The following CMYA5 variants were observed in gnomAD, a reference collection of about 807,000 sequenced individuals.
The protein encoded by CMYA5 is cardiomyopathy associated 5, also known as cardiomyopathy-associated protein 5.
In CMYA5, 246 loss-of-function variants were observed where a neutral mutation model predicts 318.9. That is an observed-to-expected ratio of 0.77 (90% CI 0.70 to 0.86). The LOEUF (loss-of-function observed/expected upper bound fraction) is 0.86, where lower values mean the gene tolerates loss of function less well. Ranked by LOEUF, CMYA5 falls within the 40% of genes least tolerant of loss-of-function variation. The probability of loss-of-function intolerance (pLI) is 0.00; values close to 1 mark genes in which losing one functional copy is unlikely to be tolerated. For synonymous variants in CMYA5, 1,641 were observed against 1,729.5 expected, an observed-to-expected ratio of 0.95 and a Z score of 1.27; for missense variants, 4,589 against 4,678.2, an observed-to-expected ratio of 0.98 and a Z score of 0.56.
chr5:79,758,987 C>A, intron 7 of CMYA5, 85 bp downstream of exon 7: 2 of 1,104,154 alleles, frequency 1.8e-6, no homozygotes, highest in Non-Finnish European at 2.4e-6. Flanking sequence ...TGTATTATGA[C>A]TCTTCCCACA....
intron 12 of CMYA5, among the ~76,000 whole-genome samples, chr5:79,794,677 C>A (rs1468078069): frequency 6.6e-6 from 1 of 152,262 alleles, no homozygotes; most frequent in Non-Finnish European, 1.5e-5. Flanking sequence ...AAGTATCATA[C>A]AAATGTGAGG....
In CMYA5 at chr5:79,733,494, G is replaced by A; in HGVS notation, c.4729G>A (p.Ala1577Thr). The A allele has an allele frequency of 2.5e-6, 4 of 1,613,942 alleles. No homozygotes were observed. Among genetic ancestry groups the A allele is most frequent in the Non-Finnish European group, 3.4e-6 (4 of 1,179,846 alleles). The change falls in exon 2 of 13, where the codon GCA becomes ACA. Residue 1577 changes from alanine (A) to threonine (T), a missense_variant. Ala to Thr is a moderately conservative substitution (Grantham distance 58). Around this residue, in one of 3 missense-constraint regions of CMYA5, gnomAD observed 2,132 missense variants for 2,131.3 expected, o/e 1.00. Coordinates refer to ENST00000446378, the MANE Select transcript of CMYA5 (RefSeq NM_153610.5). ...ASSSPELENL[A>T]SGLAPTLLLL... is the part of the protein sequence containing the mutation. The stretch of plus-strand genomic sequence containing the variant: ...TTCATCTCCTGAGTTGGAAAATTTA[G>A]CATCAGGTTTAGCCCCAACATTACT...
In CMYA5 at chr5:79,789,064, G is replaced by C; in HGVS notation, c.11649G>C (p.Gly3883=). ...FFYVRAINAF[G]TSEQSEAALI... ...ATGTGAGGGCCATCAATGCATTTGG[G>C]ACAAGTGAACAGAGTGAAGCTGCTC... Residue 3883 remains glycine (G), a synonymous_variant, in exon 10 of 13, where the codon GGG becomes GGC. Transcript: ENST00000446378. 6.2e-7 allele frequency: 1 copy of C among 1,613,924 alleles called. No individual in the cohort carries two copies. The highest frequency in any genetic ancestry group is 2.2e-5 in the East Asian group (1 of 44,866).
Position 79,799,657 on chromosome 5 carries a change from T to C in CMYA5, c.*41T>C. On this transcript the variant is annotated 3_prime_UTR_variant, in exon 13 of 13. Coordinates refer to ENST00000446378, the MANE Select transcript of CMYA5 (RefSeq NM_153610.5). ...ATTTGCAAGAACAGCGATTTGAATT[T>C]TGGGGGGGTCTGCTGTTCATTCCTT... is the stretch of plus-strand genomic sequence containing the variant. The C allele has an allele frequency of 1.3e-6, 2 of 1,578,008 alleles. No individual in the cohort carries two copies. Among genetic ancestry groups the C allele is most frequent in the Non-Finnish European group, 1.7e-6 (2 of 1,158,080 alleles).
rs1013086471 is a variant in CMYA5, at chr5:79,762,053, G to A, written c.11407+96G>A. The A allele has an allele frequency of 9.0e-6, 12 of 1,335,466 alleles. No individual in the cohort carries two copies. In the East Asian group the frequency reaches 2.4e-4, roughly 27 times the overall value. The allele number at this position is 1,335,466 out of a possible 1,614,324, so 82.7% of individuals were successfully genotyped here. ...AGTAAGTGTTTATTAAGCACCTATT[G>A]TGTGTTGAGTGTTGTGCAAAGTGCT... On this transcript the variant is annotated intron_variant, in intron 8 of 12. Transcript: ENST00000446378.
Position 79,737,155 on chromosome 5 carries a change from G to C in CMYA5, c.8390G>C (p.Arg2797Pro), listed in dbSNP as rs59212409. 6.2e-7 allele frequency: 1 copy of C among 1,612,800 alleles called. No individual in the cohort carries two copies. The highest frequency in any genetic ancestry group is 8.5e-7 in the Non-Finnish European group (1 of 1,179,584). ...PSKESERTLA[R>P]PFDETKSSET... ...AAAGAATCCGAAAGGACTTTAGCTCGTCCTTTTGATGAAACTAAGAGCTCA... is the reference window on the plus strand; with the variant it reads ...AAAGAATCCGAAAGGACTTTAGCTCCTCCTTTTGATGAAACTAAGAGCTCA... The change falls in exon 2 of 13, where the codon CGT becomes CCT. Residue 2797 changes from arginine (R) to proline (P), a missense_variant. By Grantham distance (103) the Arg-to-Pro change is moderately radical. This residue lies in a region of CMYA5 where 2,431 missense variants were observed against 2,495.1 expected (regional missense o/e 0.97). Coordinates refer to ENST00000446378, the MANE Select transcript of CMYA5 (RefSeq NM_153610.5).
At chr5:79,786,467 C>G (rs892260823) in intron 9 of CMYA5, among the ~76,000 whole-genome samples, 1 of 152,194 alleles carries the variant, frequency 6.6e-6, no homozygotes, top group Non-Finnish European at 1.5e-5. Flanking sequence ...CCCTAAGCAC[C>G]AACTAAGTAC....
intron 9 of CMYA5, among the ~76,000 whole-genome samples, chr5:79,769,107 G>A (rs576229948): frequency 6.6e-6 from 1 of 151,946 alleles, no homozygotes; most frequent in East Asian, 2.0e-4. Context: ...ACTTGTGTAG[G>A]CGTCAAGAAG....
Position 79,732,470 on chromosome 5 carries a change from G to A in CMYA5, c.3705G>A (p.Glu1235=), listed in dbSNP as rs1473583837. The stretch of plus-strand genomic sequence containing the variant: ...AGCCTCAGCCTCCAAATGTTCCAGA[G>A]TCTGAGATGAAATATTCAGTTTTGC... The part of the protein sequence containing the change: ...KMEPQPPNVP[E]SEMKYSVLPD... Residue 1235 remains glutamate, a synonymous_variant, in exon 2 of 13, where the codon GAG becomes GAA. Coordinates refer to ENST00000446378, the MANE Select transcript of CMYA5 (RefSeq NM_153610.5). The A allele has an allele frequency of 6.2e-7, 1 of 1,613,234 alleles. No homozygotes were observed. Among genetic ancestry groups the A allele is most frequent in the South Asian group, 1.1e-5 (1 of 90,898 alleles).
In CMYA5 at chr5:79,737,118, G is replaced by A. The variant is rs752650910; in HGVS notation, c.8353G>A (p.Gly2785Arg). The A allele has an allele frequency of 1.2e-6, 2 of 1,610,132 alleles. No individual in the cohort carries two copies. Among genetic ancestry groups the A allele is most frequent in the African/African-American group, 2.7e-5 (2 of 74,896 alleles). Residue 2785 changes from glycine (G) to arginine (R), a missense_variant, in exon 2 of 13, where the codon GGA (glycine) becomes AGA (arginine). This residue lies in a region of CMYA5 where 2,431 missense variants were observed against 2,495.1 expected (regional missense o/e 0.97). Coordinates refer to ENST00000446378, the MANE Select transcript of CMYA5 (RefSeq NM_153610.5). Reference protein sequence around the residue: ...VDITKESMKEGFPSKESERTL... With the variant: ...VDITKESMKERFPSKESERTL... ...TATCACAAAAGAAAGTATGAAAGAAGGATTTCCATCTAAAGAATCCGAAAG... is the reference window on the plus strand; with the variant it reads ...TATCACAAAAGAAAGTATGAAAGAAAGATTTCCATCTAAAGAATCCGAAAG...
At chr5:79,757,826 G>A (rs539057773) in intron 6 of CMYA5, among the ~76,000 whole-genome samples, 8 of 152,330 alleles carry the variant, frequency 5.3e-5, no homozygotes, top group African/African-American at 1.9e-4. Flanking sequence ...ATTCTCAAGT[G>A]ATCCCATTTT....
rs1244790577 is a variant in CMYA5, at chr5:79,731,143, C to T, written c.2378C>T (p.Pro793Leu). 6 of 1,613,966 alleles carry T rather than the reference C, an allele frequency of 3.7e-6. No individual in the cohort carries two copies. The highest frequency in any genetic ancestry group is 2.2e-5 in the East Asian group (1 of 44,872). The change falls in exon 2 of 13, where the codon CCG (proline) becomes CTG (leucine). Residue 793 changes from proline (P) to leucine (L), a missense_variant. Pro to Leu is a moderately conservative substitution (Grantham distance 98). Transcript: ENST00000446378. The stretch of plus-strand genomic sequence containing the variant: ...GACCTAGGAAGTGAACGTTTCACAC[C>T]GGATTCAAAGTTGATCTCCAAATAT... ...GEDLGSERFT[P>L]DSKLISKYAA...
intron 1 of CMYA5, among the ~76,000 whole-genome samples, chr5:79,693,707 T>C (rs1341159144): frequency 6.6e-6 from 1 of 152,174 alleles, no homozygotes; most frequent in Non-Finnish European, 1.5e-5. Flanking sequence ...CAATTTAATG[T>C]TCATTAATGT....
intron 5 of CMYA5, among the ~76,000 whole-genome samples, chr5:79,750,023 T>A (rs901215037): frequency 6.8e-6 from 1 of 146,058 alleles, no homozygotes; most frequent in Non-Finnish European, 1.5e-5. Context: ...TTTTTTTTTT[T>A]TACCATATTC....
Position 79,732,451 on chromosome 5 carries a change from A to G in CMYA5, c.3686A>G (p.Gln1229Arg). The change falls in exon 2 of 13, where the codon CAG becomes CGG. Residue 1229 changes from glutamine to arginine, a missense_variant. Around this residue, in one of 3 missense-constraint regions of CMYA5, gnomAD observed 2,132 missense variants for 2,131.3 expected, o/e 1.00. Coordinates refer to ENST00000446378, the MANE Select transcript of CMYA5 (RefSeq NM_153610.5). ...HVSQDQKMEP[Q>R]PPNVPESEMK... is the part of the protein sequence containing the mutation. ...TCACAGGATCAAAAAATGGAGCCTC[A>G]GCCTCCAAATGTTCCAGAGTCTGAG... 6.2e-7 allele frequency: 1 copy of G among 1,613,314 alleles called. No homozygotes were observed.
At chr5:79,696,312 A>T (rs1827064950) in intron 1 of CMYA5, among the ~76,000 whole-genome samples, 1 of 152,242 alleles carries the variant, frequency 6.6e-6, no homozygotes, top group South Asian at 2.1e-4. Context: ...TCATAGACGG[A>T]AAAATAAGAA....
At chr5:79,785,517 A>G (rs1337515365) in intron 9 of CMYA5, among the ~76,000 whole-genome samples, 2 of 151,756 alleles carry the variant, frequency 1.3e-5, no homozygotes, top group Non-Finnish European at 2.9e-5. Flanking sequence ...TTATATCTTT[A>G]TATATTTTTA....
At chr5:79,792,174 A>C (rs1175384930) in intron 11 of CMYA5, among the ~76,000 whole-genome samples, 1 of 152,214 alleles carries the variant, frequency 6.6e-6, no homozygotes, top group Non-Finnish European at 1.5e-5. Context: ...ACCTGTGTAA[A>C]AGAACAGATA....
intron 11 of CMYA5, among the ~76,000 whole-genome samples, chr5:79,792,572 TA>T (rs1396167665): frequency 6.6e-6 from 1 of 152,154 alleles, no homozygotes; most frequent in East Asian, 1.9e-4. Flanking sequence ...TGAGGTTGAG[TA>T]AAGACATGAA....
Sources: gnomAD v4.1 joint callset for allele counts (sites outside exome capture counted in the v4.1 genomes callset) on GRCh38, gnomAD v4.1.1 for gene constraint, gnomAD v4.1.1 regional missense constraint, MANE v1.5 for transcripts, NCBI Gene and HGNC (gene_info 2026-07-23, HGNC 2026-07-21) for gene names.